Variants in MYO5B observed in about 807,000 individuals in gnomAD.
MYO5B encodes the protein myosin VB.
MYO5B carries 143 observed loss-of-function variants against 229.3 expected under a neutral mutation model. The ratio of observed to expected loss-of-function variants is 0.62; its 90% CI spans 0.54 to 0.72. MYO5B has a LOEUF of 0.72. MYO5B is among the 30% of genes least tolerant of loss of function. The pLI is 0.00. For synonymous variants in MYO5B, 918 were observed against 885.2 expected, an observed-to-expected ratio of 1.04 and a Z score of -0.66; for missense variants, 2,321 against 2,331.0, an observed-to-expected ratio of 1.00 and a Z score of 0.09.
At chr18:49,907,982 TG>T (rs2024918405) in intron 18 of MYO5B, among the ~76,000 whole-genome samples, 2 of 152,276 alleles carry the variant, frequency 1.3e-5, no homozygotes, top group South Asian at 4.1e-4. Flanking sequence ...CTGCCCTGCT[TG>T]GGGAGGCTCC....
At chr18:50,084,598 A>G (rs902013452) in intron 1 of MYO5B, among the ~76,000 whole-genome samples, 1 of 152,216 alleles carries the variant, frequency 6.6e-6, no homozygotes, top group African/African-American at 2.4e-5. Flanking sequence ...AAGAGCCCGC[A>G]TCGCCATGTC....
At chr18:50,143,438 C>T (rs2032448553) in intron 1 of MYO5B, among the ~76,000 whole-genome samples, 3 of 152,170 alleles carry the variant, frequency 2.0e-5, no homozygotes, top group Non-Finnish European at 4.4e-5. Context: ...TGTGAGATCC[C>T]ACAGGCTCAG....
chr18:49,957,354 A>G (rs1345352547), intron 12 of MYO5B, among the ~76,000 whole-genome samples: 1 of 152,142 alleles, frequency 6.6e-6, no homozygotes, highest in Non-Finnish European at 1.5e-5. Context: ...TAAGGACCCC[A>G]AGGCCAACCA....
intron 1 of MYO5B, among the ~76,000 whole-genome samples, chr18:50,066,027 T>C (rs2030810951): frequency 6.6e-6 from 1 of 151,996 alleles, no homozygotes; most frequent in Non-Finnish European, 1.5e-5. Flanking sequence ...AGAAGCCAGA[T>C]CCAGTAGGTT....
chr18:49,962,332 G>GCT lies in MYO5B; in HGVS notation c.1478_1479insAG (p.Asn493LysfsTer89), dbSNP rs776981549. On this transcript the variant is annotated frameshift_variant, in exon 12 of 40. Transcript: ENST00000285039. LOFTEE classifies it high-confidence loss of function. ...CTTCAATGAGGTCGATACAAGGTTG[G>GCT]TTATCATAAAAATCAATCAGGGTCC... 1 of 1,614,134 alleles carries GCT rather than the reference G, an allele frequency of 6.2e-7. No homozygotes were observed. The highest frequency in any genetic ancestry group is 8.5e-7 in the Non-Finnish European group (1 of 1,180,012).
chr18:50,103,474 G>C (rs182142126), intron 1 of MYO5B, among the ~76,000 whole-genome samples: 10 of 152,306 alleles, frequency 6.6e-5, no homozygotes, highest in South Asian at 2.1e-4. Flanking sequence ...TCAAGGCTGG[G>C]TATGTGGGCT....
chr18:50,189,243 A>G (rs2033195365), intron 1 of MYO5B, among the ~76,000 whole-genome samples: 1 of 152,150 alleles, frequency 6.6e-6, no homozygotes, highest in South Asian at 2.1e-4. Context: ...TGCTCAAGAG[A>G]CTTGTAAGGC....
At chr18:50,024,072 G>A (rs1598961285) in intron 4 of MYO5B, among the ~76,000 whole-genome samples, 1 of 152,308 alleles carries the variant, frequency 6.6e-6, no homozygotes, top group South Asian at 2.1e-4. Context: ...CTCTGCTTTA[G>A]ATTGCTGAGC....
chr18:49,878,816 G>T, intron 24 of MYO5B, 129 bp downstream of exon 24: 2 of 1,135,250 alleles, frequency 1.8e-6, no homozygotes, highest in Non-Finnish European at 2.6e-6. Context: ...TGCAGTAATG[G>T]CAAGTGCTGC....
intron 33 of MYO5B, 80 bp downstream of exon 33, chr18:49,847,065 TG>T: frequency 7.0e-7 from 1 of 1,424,360 alleles, no homozygotes. Flanking sequence ...GGAAGGGGTG[TG>T]GGGGTTGTGC....
At chr18:50,018,687 C>T (rs2026242562) in intron 4 of MYO5B, among the ~76,000 whole-genome samples, 1 of 152,176 alleles carries the variant, frequency 6.6e-6, no homozygotes, top group Admixed American at 6.5e-5. Context: ...CAGCTGGTTA[C>T]TGGGCCAGCT....
In MYO5B at chr18:49,853,574, C is replaced by T. The variant is rs1488123598; in HGVS notation, c.4096G>A (p.Glu1366Lys). 8.7e-6 allele frequency: 14 copies of T among 1,614,040 alleles called. No individual in the cohort carries two copies. The highest frequency in any genetic ancestry group is 2.7e-5 in the African/African-American group (2 of 74,936). ...EEVEHLKAQL[E>K]ALKEEMDKQQ... is the part of the protein sequence containing the mutation. ...TTGTCCATCTCCTCCTTCAGGGCCT[C>T]GAGCTGAGCCTTGAGATGCTCCACC... The change falls in exon 31 of 40, where the codon GAG becomes AAG. Residue 1366 changes from glutamate to lysine, a missense_variant. Coordinates refer to ENST00000285039, the MANE Select transcript of MYO5B (RefSeq NM_001080467.3).
intron 37 of MYO5B, 38 bp downstream of exon 37, chr18:49,837,479 C>T (rs1246622280): frequency 1.2e-6 from 2 of 1,611,884 alleles, no homozygotes; most frequent in Non-Finnish European, 1.7e-6. Context: ...AGTGAGGGCC[C>T]ACTCTATCTG....
chr18:50,107,970 G>A (rs780534031), intron 1 of MYO5B, among the ~76,000 whole-genome samples: 2 of 151,790 alleles, frequency 1.3e-5, no homozygotes, highest in South Asian at 2.1e-4. Flanking sequence ...GTGCAGTGGC[G>A]TGATCTTGGC....
At chr18:50,122,588 G>A (rs941147429) in intron 1 of MYO5B, among the ~76,000 whole-genome samples, 82 of 111,772 alleles carry the variant, frequency 7.3e-4, no homozygotes, top group African/African-American at 2.6e-3. Flanking sequence ...GAGAGAGGAA[G>A]AGAGGGGGAG....
At chr18:49,902,863 G>T (rs1481031097) in intron 20 of MYO5B, 30 bp from the exon 21 acceptor site, 4 of 1,596,650 alleles carry the variant, frequency 2.5e-6, no homozygotes, top group South Asian at 1.1e-5. Context: ...CACATCTTGT[G>T]GGTTTGCACT....
At chr18:49,976,747 A>G (rs2025755623) in intron 9 of MYO5B, among the ~76,000 whole-genome samples, 1 of 152,078 alleles carries the variant, frequency 6.6e-6, no homozygotes. Flanking sequence ...CACACTCAGC[A>G]GAGAGTTTCC....
chr18:50,000,981 G>A (rs1283813669), intron 5 of MYO5B, among the ~76,000 whole-genome samples: 1 of 152,188 alleles, frequency 6.6e-6, no homozygotes, highest in Non-Finnish European at 1.5e-5. Flanking sequence ...AGAGGTGGAG[G>A]AGGTGGGGAG....
intron 31 of MYO5B, among the ~76,000 whole-genome samples, chr18:49,851,806 G>A (rs2024203889): frequency 6.6e-6 from 1 of 152,184 alleles, no homozygotes; most frequent in African/African-American, 2.4e-5. Flanking sequence ...TCTGCCTGAG[G>A]TCAGTGCTTC....
Sources: allele counts gnomAD v4.1 joint callset (sites outside exome capture counted in the v4.1 genomes callset), GRCh38; gene constraint gnomAD v4.1.1; transcripts MANE v1.5; gene names NCBI Gene and HGNC (gene_info 2026-07-23, HGNC 2026-07-21).